TMC1: variants seen among roughly 807,000 people sequenced by gnomAD.
The protein encoded by TMC1 is transmembrane channel like 1.
Under a neutral mutation model 105.8 loss-of-function variants are expected in TMC1, and 84 were observed. That is an observed-to-expected ratio of 0.79 (90% CI 0.67 to 0.95). The LOEUF is 0.95. Ranked by LOEUF, TMC1 falls within the 40% of genes least tolerant of loss-of-function variation. TMC1 has a pLI of 0.00. For missense variants in TMC1, 817 were observed against 914.1 expected, an observed-to-expected ratio of 0.89 and a Z score of 1.37; for synonymous variants, 315 against 311.5, an observed-to-expected ratio of 1.01 and a Z score of -0.12.
intron 1 of TMC1, among the ~76,000 whole-genome samples, chr9:72,559,046 T>C (rs905906430): frequency 6.6e-6 from 1 of 152,266 alleles, no homozygotes; most frequent in Admixed American, 6.5e-5. Flanking sequence ...TGATACCATA[T>C]TGAACTCAAA....
chr9:72,533,845 A>G (rs1823536086), intron 1 of TMC1, among the ~76,000 whole-genome samples: 1 of 152,024 alleles, frequency 6.6e-6, no homozygotes, highest in South Asian at 2.1e-4. Flanking sequence ...TAAAAATACA[A>G]TTTCTGGCCA....
At chr9:72,756,023 G>A (rs1755853022) in intron 12 of TMC1, among the ~76,000 whole-genome samples, 1 of 152,154 alleles carries the variant, frequency 6.6e-6, no homozygotes, top group South Asian at 2.1e-4. Context: ...TATGTGAGGA[G>A]TACCAGAACA....
chr9:72,707,399 C>T (rs1588042385), intron 8 of TMC1, among the ~76,000 whole-genome samples: 1 of 152,194 alleles, frequency 6.6e-6, no homozygotes, highest in Admixed American at 6.5e-5. Context: ...GTTCCCTTTT[C>T]ACCACATCCA....
At chr9:72,722,343 A>C (rs553559116) in intron 8 of TMC1, among the ~76,000 whole-genome samples, 2 of 152,244 alleles carry the variant, frequency 1.3e-5, no homozygotes, top group South Asian at 4.2e-4. Context: ...AATCTTCCCT[A>C]TAGACATGCC....
intron 7 of TMC1, among the ~76,000 whole-genome samples, chr9:72,699,684 C>T (rs1303842590): frequency 1.3e-5 from 2 of 152,016 alleles, no homozygotes; most frequent in Admixed American, 6.6e-5. Flanking sequence ...AGGGCGGGTG[C>T]GGTGGCTCAC....
chr9:72,673,080 A>G (rs1826148381), intron 5 of TMC1, among the ~76,000 whole-genome samples: 1 of 152,208 alleles, frequency 6.6e-6, no homozygotes, highest in African/African-American at 2.4e-5. Context: ...AAATCCCCAA[A>G]TATTTGGTAA....
chr9:72,619,841 AT>A (rs1825213778), intron 3 of TMC1, among the ~76,000 whole-genome samples: 1 of 151,708 alleles, frequency 6.6e-6, no homozygotes, highest in South Asian at 2.1e-4. Flanking sequence ...TAATTTATTT[AT>A]TTATTTACTT....
Position 72,792,289 on chromosome 9 carries a change from A to G in TMC1, c.1503A>G (p.Pro501=). 6.2e-7 allele frequency: 1 copy of G among 1,613,986 alleles called. No individual in the cohort carries two copies. The highest frequency in any genetic ancestry group is 8.5e-7 in the Non-Finnish European group (1 of 1,179,984). Residue 501 remains proline (P), a synonymous_variant, in exon 17 of 24, where the codon CCA becomes CCG. Transcript: ENST00000297784. ...NASFSENSTG[P]PFFVHPADVP... Reference sequence around the variant, plus strand: ...CATTCTCTGAAAATAGCACTGGACCACCCTTTTTTGTTCACCCTGCAGATG... The same window carrying G: ...CATTCTCTGAAAATAGCACTGGACCGCCCTTTTTTGTTCACCCTGCAGATG...
intron 1 of TMC1, among the ~76,000 whole-genome samples, chr9:72,545,791 A>G (rs1823756228): frequency 6.6e-6 from 1 of 151,996 alleles, no homozygotes; most frequent in African/African-American, 2.4e-5. Context: ...CCCGGTCTCC[A>G]TAAAAAAATC....
intron 18 of TMC1, among the ~76,000 whole-genome samples, chr9:72,812,785 A>G (rs1828726611): frequency 6.6e-6 from 1 of 152,222 alleles, no homozygotes; most frequent in South Asian, 2.1e-4. Context: ...AACTCATTCC[A>G]CAACAGAATT....
chr9:72,604,468 T>C (rs1439190341), intron 2 of TMC1, among the ~76,000 whole-genome samples: 1 of 152,258 alleles, frequency 6.6e-6, no homozygotes, highest in Non-Finnish European at 1.5e-5. Context: ...TCTTCACATT[T>C]CTACAATCTA....
intron 13 of TMC1, among the ~76,000 whole-genome samples, chr9:72,780,403 C>G (rs151197771): frequency 5.9e-5 from 9 of 152,332 alleles, no homozygotes; most frequent in African/African-American, 2.2e-4. Flanking sequence ...CAAATCTTCA[C>G]ATATGAATAT....
chr9:72,817,703 T>C (rs1828809060), intron 19 of TMC1, among the ~76,000 whole-genome samples: 2 of 152,242 alleles, frequency 1.3e-5, no homozygotes, highest in Admixed American at 6.5e-5. Flanking sequence ...AAAGCTGTTA[T>C]AATGGCTGTC....
intron 3 of TMC1, among the ~76,000 whole-genome samples, chr9:72,623,286 A>G (rs992491178): frequency 1.3e-5 from 2 of 151,674 alleles, no homozygotes. Context: ...AAAAGTGTGG[A>G]CAGAGCTGTC....
At chr9:72,717,939 T>C (rs1439694889) in intron 8 of TMC1, among the ~76,000 whole-genome samples, 1 of 152,054 alleles carries the variant, frequency 6.6e-6, no homozygotes, top group African/African-American at 2.4e-5. Context: ...TATTCTTAGG[T>C]TTGGTCATTT....
intron 8 of TMC1, among the ~76,000 whole-genome samples, chr9:72,710,620 T>A (rs1826818808): frequency 6.6e-6 from 1 of 152,188 alleles, no homozygotes; most frequent in African/African-American, 2.4e-5. Context: ...TTTTAACTGC[T>A]GTTGCTTTAA....
chr9:72,700,475 C>T, intron 7 of TMC1, 43 bp from the exon 8 acceptor site: 3 of 1,512,978 alleles, frequency 2.0e-6, no homozygotes, highest in Non-Finnish European at 1.8e-6. Context: ...CAAAGTCAAG[C>T]AAAGCTTAAC....
intron 1 of TMC1, among the ~76,000 whole-genome samples, chr9:72,570,645 T>G (rs1385943453): frequency 6.7e-6 from 1 of 149,886 alleles, no homozygotes; most frequent in Non-Finnish European, 1.5e-5. Context: ...ACCATGTAGA[T>G]TTAAGAGAAA....
intron 19 of TMC1, among the ~76,000 whole-genome samples, chr9:72,818,072 G>T (rs186155987): frequency 1.3e-5 from 2 of 152,078 alleles, no homozygotes; most frequent in Admixed American, 6.6e-5. Context: ...AGGGAGGTGT[G>T]GGGCAGGTGT....
Sources: gnomAD v4.1 joint callset for allele counts (sites outside exome capture counted in the v4.1 genomes callset) on GRCh38, gnomAD v4.1.1 for gene constraint, MANE v1.5 for transcripts, NCBI Gene and HGNC (gene_info 2026-07-23, HGNC 2026-07-21) for gene names.